Variants in URM1 observed in about 807,000 individuals in gnomAD.
The protein encoded by URM1 is ubiquitin related modifier 1.
In URM1, 11 loss-of-function variants were observed where a neutral mutation model predicts 17.7. That is an observed-to-expected ratio of 0.62 (90% CI 0.39 to 1.03). URM1 has a LOEUF of 1.03. Ranked by LOEUF, URM1 falls within the 50% of genes least tolerant of loss-of-function variation. The pLI is 0.00. For missense variants in URM1, 128 were observed against 129.2 expected, an observed-to-expected ratio of 0.99 and a Z score of 0.04; for synonymous variants, 48 against 50.6, an observed-to-expected ratio of 0.95 and a Z score of 0.22.
intron 1 of URM1, 77 bp downstream of exon 1, chr9:128,371,492 G>C (rs867860994): frequency 4.1e-6 from 6 of 1,454,030 alleles, no homozygotes; most frequent in Non-Finnish European, 5.7e-6. Flanking sequence ...CTGCCGTGGG[G>C]CCTGACACGG....
intron 3 of URM1, chr9:128,388,621 A>G: frequency 9.1e-6 from 9 of 986,182 alleles, no homozygotes; most frequent in Non-Finnish European, 1.1e-5. Flanking sequence ...CCTGGAGGCC[A>G]CCTCTAAGGC....
chr9:128,387,953 GC>G lies in URM1; in HGVS notation c.188+61del. ...GGTGGAGGGAGGGACGGATATTTGA[GC>G]CCCCACCCTCGGGTTCAGTCCTGGC... On this transcript the variant is annotated intron_variant, in intron 3 of 4. Coordinates refer to ENST00000372853, the MANE Select transcript of URM1 (RefSeq NM_030914.4). This position sits in a 1 kb window ranked among gnomAD's most constrained non-coding sequence, Gnocchi z 4.3. 1 of 1,610,098 alleles carries G rather than the reference GC, an allele frequency of 6.2e-7. No individual in the cohort carries two copies. The highest frequency in any genetic ancestry group is 8.5e-7 in the Non-Finnish European group (1 of 1,178,202).
chr9:128,375,908 C>T (rs1267201790), intron 1 of URM1, among the ~76,000 whole-genome samples: 1 of 152,156 alleles, frequency 6.6e-6, no homozygotes, highest in African/African-American at 2.4e-5. Flanking sequence ...TTGAGTCACA[C>T]ATCTAAGGTC....
At chr9:128,379,985 C>G (rs1258732641) in intron 2 of URM1, among the ~76,000 whole-genome samples, 1 of 151,944 alleles carries the variant, frequency 6.6e-6, no homozygotes, top group Non-Finnish European at 1.5e-5. Flanking sequence ...TAGTGGCATG[C>G]ACCTGTGTTC....
intron 2 of URM1, among the ~76,000 whole-genome samples, chr9:128,384,434 T>A (rs1369305428): frequency 6.6e-6 from 1 of 152,152 alleles, no homozygotes; most frequent in African/African-American, 2.4e-5. Flanking sequence ...TTCAAACATC[T>A]AACACAGAAG....
At chr9:128,377,792 C>G (rs1194879022) in intron 1 of URM1, among the ~76,000 whole-genome samples, 1 of 152,164 alleles carries the variant, frequency 6.6e-6, no homozygotes, top group African/African-American at 2.4e-5. Context: ...CCCAGGAGTT[C>G]AAGGTTACAG....
chr9:128,380,872 T>C (rs1252312996), intron 2 of URM1, among the ~76,000 whole-genome samples: 1 of 152,182 alleles, frequency 6.6e-6, no homozygotes, highest in African/African-American at 2.4e-5. Flanking sequence ...TTGCCCAGGC[T>C]GGAATGCAGT....
rs1588591437 is a variant in URM1 at position 128,391,943 on chromosome 9, A to C, written c.*2209A>C. 6.6e-6 allele frequency: 1 copy of C among 152,306 alleles called. No individual in the cohort carries two copies. The highest frequency in any genetic ancestry group is 2.1e-4 in the South Asian group (1 of 4,842). The allele number at this position is 152,306 out of a possible 1,614,324, so 9.4% of individuals were successfully genotyped here. A position where few individuals can be genotyped will look rare whatever the true frequency, so the allele number is the denominator to read the frequency against. On this transcript the variant is annotated 3_prime_UTR_variant, in exon 5 of 5. Transcript: ENST00000372853. ...TGGGCTCAGCCCCCAGCAGCTCCCAACTGCCCCTCTCCCAAGCAACTCCTG... is the reference window on the plus strand; with the variant it reads ...TGGGCTCAGCCCCCAGCAGCTCCCACCTGCCCCTCTCCCAAGCAACTCCTG...
intron 1 of URM1, among the ~76,000 whole-genome samples, chr9:128,374,215 G>A (rs985049403): frequency 2.4e-4 from 37 of 152,160 alleles, no homozygotes; most frequent in African/African-American, 8.9e-4. Context: ...CAGCAGAAAT[G>A]CCAACCCCTC....
At chr9:128,377,196 A>G (rs764882464) in intron 1 of URM1, among the ~76,000 whole-genome samples, 2 of 152,064 alleles carry the variant, frequency 1.3e-5, no homozygotes, top group East Asian at 3.9e-4. Flanking sequence ...AGTAAAAATT[A>G]TATCCTACCT....
At chr9:128,377,379 T>C (rs562123669) in intron 1 of URM1, among the ~76,000 whole-genome samples, 164 of 152,140 alleles carry the variant, frequency 1.1e-3, no homozygotes, top group African/African-American at 3.9e-3. Context: ...ATTTAAAGAT[T>C]AACCTGATAT....
At chr9:128,386,577 G>A (rs944327446) in intron 2 of URM1, among the ~76,000 whole-genome samples, 1 of 152,260 alleles carries the variant, frequency 6.6e-6, no homozygotes, top group Non-Finnish European at 1.5e-5. Context: ...CTGTCAGAGC[G>A]AGGGGGCACG....
chr9:128,387,846 A>G lies in URM1; in HGVS notation c.137A>G (p.Lys46Arg). 6.2e-7 allele frequency: 1 copy of G among 1,614,152 alleles called. No individual in the cohort carries two copies. The highest frequency in any genetic ancestry group is 8.5e-7 in the Non-Finnish European group (1 of 1,180,016). ...WDIRNLLIWI[K>R]KNLLKERPEL... ...ATCCGGAACCTGCTCATCTGGATCA[A>G]GAAGAATTTGCTAAAAGAGCGGCCA... Residue 46 changes from lysine to arginine, a missense_variant, in exon 3 of 5, where the codon AAG becomes AGG. Transcript: ENST00000372853. This position sits in a 1 kb window ranked among gnomAD's most constrained non-coding sequence, Gnocchi z 4.3.
chr9:128,386,582 G>T (rs7026951), intron 2 of URM1, among the ~76,000 whole-genome samples: 6 of 152,312 alleles, frequency 3.9e-5, no homozygotes, highest in African/African-American at 1.4e-4. Context: ...AGAGCGAGGG[G>T]GCACGCGTGC....
intron 2 of URM1, among the ~76,000 whole-genome samples, chr9:128,384,810 C>A (rs1414951808): frequency 6.6e-6 from 1 of 152,102 alleles, no homozygotes; most frequent in Non-Finnish European, 1.5e-5. Flanking sequence ...CTTCCTATTA[C>A]CTAAGGTAAT....
intron 1 of URM1, 156 bp from the exon 2 acceptor site, chr9:128,377,880 A>G: frequency 1.4e-6 from 1 of 690,328 alleles, no homozygotes; most frequent in Non-Finnish European, 2.5e-6. Context: ...AGGGGGAGAA[A>G]AAGAATTAGT....
chr9:128,376,860 C>T (rs573271520), intron 1 of URM1, among the ~76,000 whole-genome samples: 2 of 152,122 alleles, frequency 1.3e-5, no homozygotes, highest in East Asian at 1.9e-4. Context: ...ATGCCATGCA[C>T]CTGTAGTCCC....
At chr9:128,388,324 C>T in intron 3 of URM1, 1 of 1,012,136 alleles carries the variant, frequency 9.9e-7, no homozygotes, top group Non-Finnish European at 1.2e-6. Context: ...TACAGTGCAG[C>T]ACGGGTCTAG....
At chr9:128,376,160 G>T (rs530851625) in intron 1 of URM1, among the ~76,000 whole-genome samples, 1 of 152,090 alleles carries the variant, frequency 6.6e-6, no homozygotes, top group Non-Finnish European at 1.5e-5. Flanking sequence ...AGGAGGTCAA[G>T]ACCAGCCTGG....
Sources: gnomAD v4.1 joint callset for allele counts (sites outside exome capture counted in the v4.1 genomes callset) on GRCh38, gnomAD v4.1.1 for gene constraint, Gnocchi (gnomAD v3.1) non-coding constraint, MANE v1.5 for transcripts, NCBI Gene and HGNC (gene_info 2026-07-23, HGNC 2026-07-21) for gene names.